The following HCFC1 variants were observed in gnomAD, a reference collection of about 807,000 sequenced individuals.
The protein encoded by HCFC1 is host cell factor C1, also known as host cell factor 1.
A neutral mutation model predicts 105.5 loss-of-function variants in HCFC1; 7 were observed. The ratio of observed to expected loss-of-function variants is 0.07; its 90% CI spans 0.04 to 0.12. The LOEUF (loss-of-function observed/expected upper bound fraction) is 0.12, where lower values mean the gene tolerates loss of function less well. HCFC1 is among the 10% of genes least tolerant of loss of function. HCFC1 has a pLI of 1.00. For missense variants in HCFC1, 1,065 were observed against 1,823.6 expected, an observed-to-expected ratio of 0.58 and a Z score of 7.58; for synonymous variants, 918 against 828.1, an observed-to-expected ratio of 1.11 and a Z score of -1.86.
At chrX:153,949,702 C>T in intron 24 of HCFC1, 86 bp from the exon 25 acceptor site, 7 of 874,617 alleles carry the variant, frequency 8.0e-6, no homozygotes, top group Non-Finnish European at 1.0e-5. Flanking sequence ...TGCAGAGTCT[C>T]TTGGTGCCAC....
intron 15 of HCFC1, 89 bp from the exon 16 acceptor site, chrX:153,956,500 T>G: frequency 1.8e-6 from 2 of 1,116,013 alleles, no homozygotes; most frequent in East Asian, 6.0e-5. Context: ...ACTCTGGAGC[T>G]GCTTGCATAG....
chrX:153,952,366 G>A, intron 19 of HCFC1, 148 bp downstream of exon 19: 1 of 892,356 alleles, frequency 1.1e-6, no homozygotes, highest in African/African-American at 2.0e-5. Context: ...CTACTACTTG[G>A]CCTGCCTGGG....
Position 153,964,645 on chromosome X carries a change from G to A in HCFC1, c.275C>T (p.Thr92Ile). 8.3e-7 allele frequency: 1 copy of A among 1,206,244 alleles called. No homozygotes were observed. ...CAAYGFVCDG[T>I]RLLVFGGMVE... ...CATCCCACCAAACACCAGGAGGCGA[G>A]TCCCGTCACACACGAAGCCATAGGC... Residue 92 changes from threonine (T) to isoleucine (I), a missense_variant, in exon 2 of 26, where the codon ACT becomes ATT. Around this residue, in one of 17 missense-constraint regions of HCFC1, gnomAD observed 38 missense variants for 190.1 expected, o/e 0.20. Coordinates refer to ENST00000310441, the MANE Select transcript of HCFC1 (RefSeq NM_005334.3).
chrX:153,949,521 CAGA>C (rs782623197), intron 25 of HCFC1, 29 bp downstream of exon 25: 1 of 1,198,719 alleles, frequency 8.3e-7, no homozygotes, highest in South Asian at 1.8e-5. Flanking sequence ...CCCCTAGTCT[CAGA>C]AGGTTCCCGA....
At chrX:153,959,139 C>A (rs1449036576) in intron 9 of HCFC1, among the ~76,000 whole-genome samples, 192 bp downstream of exon 9, 1 of 113,065 alleles carries the variant, frequency 8.8e-6, no homozygotes, top group Non-Finnish European at 1.9e-5. Context: ...GCAGGTTAGG[C>A]CTTCTAGGCA....
Position 153,960,076 on chromosome X carries a change from G to A in HCFC1, c.1170C>T (p.Ala390=), listed in dbSNP as rs2065414665. The change falls in exon 8 of 26, where the codon GCC becomes GCT. Residue 390 remains alanine, a synonymous_variant. Coordinates refer to ENST00000310441, the MANE Select transcript of HCFC1 (RefSeq NM_005334.3). ...LEVSWGAVAT[A]DSYLLQLQKY... ...TCTGGAGCTGGAGAAGGTAGCTGTC[G>A]GCTGTTGCCACTGCCCCCCAGCTCA... is the stretch of plus-strand genomic sequence containing the variant. 6 of 1,211,740 alleles carry A rather than the reference G, an allele frequency of 5.0e-6. No homozygotes were observed. Among genetic ancestry groups the A allele is most frequent in the South Asian group, 3.5e-5 (2 of 57,007 alleles).
chrX:153,969,743 AG>A (rs2065507709), intron 1 of HCFC1: 1 of 113,361 alleles, frequency 8.8e-6, no homozygotes, highest in African/African-American at 3.2e-5. Flanking sequence ...CTGAAGAGAG[AG>A]GTTCCTCCCC....
At position 153,963,651 on chromosome X, in the gene HCFC1, A is replaced by AGCAGCCCCGAGT. The variant is rs782125267; in HGVS notation, c.504-230_504-219dup. Among the ~76,000 whole-genome samples, 284 of 112,432 alleles carry AGCAGCCCCGAGT rather than the reference A, an allele frequency of 2.5e-3. 2 individuals carry two copies. Among genetic ancestry groups the AGCAGCCCCGAGT allele is most frequent in the African/African-American group, 8.2e-3 (254 of 30,980 alleles). On this transcript the variant is annotated intron_variant, in intron 3 of 25. Transcript: ENST00000310441. Reference sequence around the variant, plus strand: ...GGACACAGGGTGGGTGAGGCTGCACAGCAGCCCCGAGTCCAGACCCAGCAG... The same window carrying AGCAGCCCCGAGT: ...GGACACAGGGTGGGTGAGGCTGCACAGCAGCCCCGAGTGCAGCCCCGAGTCCAGACCCAGCAG...
chrX:153,963,844 G>A (rs2065451671), intron 3 of HCFC1, among the ~76,000 whole-genome samples: 1 of 112,487 alleles, frequency 8.9e-6, no homozygotes, highest in South Asian at 3.7e-4. Context: ...AACGCGAGCA[G>A]CTCTAAGCCG....
chrX:153,964,770 C>T, intron 1 of HCFC1, 44 bp from the exon 2 acceptor site: 1 of 1,107,509 alleles, frequency 9.0e-7, no homozygotes, highest in East Asian at 3.3e-5. Flanking sequence ...CCGGGAGCCC[C>T]CATTCCTCTC....
rs1177371719 is a variant in HCFC1 at position 153,971,576 on chromosome X, C to T, written c.-736G>A. ...CTGCTGCTCAGGCTGCGCCTGCCGC[C>T]GTGGGAGCCGCCATCTTGAGACTAG... On this transcript the variant is annotated 5_prime_UTR_variant, in exon 1 of 26. Coordinates refer to ENST00000310441, the MANE Select transcript of HCFC1 (RefSeq NM_005334.3). The T allele has an allele frequency of 6.8e-6, 2 of 293,405 alleles. No individual in the cohort carries two copies. The highest frequency in any genetic ancestry group is 4.8e-5 in the East Asian group (1 of 20,826). 24.2% of individuals were successfully genotyped at this position (293,405 alleles called of 1,213,427 possible).
At position 153,956,782 on chromosome X, in the gene HCFC1, G is replaced by A; in HGVS notation, c.2497-19C>T. 1 of 1,209,946 alleles carries A rather than the reference G, an allele frequency of 8.3e-7. No homozygotes were observed. Among genetic ancestry groups the A allele is most frequent in the Non-Finnish European group, 1.1e-6 (1 of 895,182 alleles). ...GCACCACCTGGAACACCAGAGGAAA[G>A]TGCCACCAACGTCACCACCAGGCTG... On this transcript the variant is annotated intron_variant, in intron 14 of 25. Transcript: ENST00000310441.
Position 153,954,160 on chromosome X carries a change from T to C in HCFC1, c.4239A>G (p.Thr1413=), listed in dbSNP as rs782480971. 2 of 1,097,311 alleles carry C rather than the reference T, an allele frequency of 1.8e-6. No homozygotes were observed. The highest frequency in any genetic ancestry group is 3.7e-5 in the South Asian group (2 of 54,207). 90.4% of individuals were successfully genotyped at this position (1,097,311 alleles called of 1,213,427 possible). The change falls in exon 17 of 26, where the codon ACA becomes ACG. Residue 1413 remains threonine, a synonymous_variant. Transcript: ENST00000310441. ...AGGGGGGGTTGGAGCACACCCTCTG[T>C]GTTGGGAAAGGAGCCAGCAGCGCGG... The part of the protein sequence containing the change: ...AGTALLAPFP[T]QRVCSNPPCE...
At chrX:153,953,912 G>A (rs1373433202) in intron 17 of HCFC1, 142 bp from the exon 18 acceptor site, 16 of 880,153 alleles carry the variant, frequency 1.8e-5, no homozygotes, top group Non-Finnish European at 2.4e-5. Context: ...TCTGCTTCAG[G>A]TACAGCCAGG....
intron 13 of HCFC1, 67 bp downstream of exon 13, chrX:153,957,247 T>A: frequency 2.9e-6 from 3 of 1,025,972 alleles, no homozygotes; most frequent in Non-Finnish European, 4.0e-6. Context: ...GCACGCCTTA[T>A]AACCCGGACT....
At position 153,958,747 on chromosome X, in the gene HCFC1, T is replaced by TGATCTGAGTCACAGGACCC; in HGVS notation, c.1624_1625insGGGTCCTGTGACTCAGATC (p.Gln542ArgfsTer4). The TGATCTGAGTCACAGGACCC allele has an allele frequency of 8.6e-7, 1 of 1,168,972 alleles. No homozygotes were observed. On this transcript the variant is annotated stop_gained and frameshift_variant, in exon 10 of 26. Transcript: ENST00000310441. LOFTEE classifies it high-confidence loss of function. ...GGCCAGTGCGGCCATCCCACTCATC[T>TGATCTGAGTCACAGGACCC]GTGGGCTACTGCCAATCACCTGCAG...
Position 153,971,190 on chromosome X carries a change from T to G in HCFC1, c.-350A>C. ...GCCGCCATCTTGAGCCGCCTCTCTC[T>G]CCTCCCTTCCTCAGTCGTAGCCCTC... On this transcript the variant is annotated 5_prime_UTR_variant, in exon 1 of 26. Coordinates refer to ENST00000310441, the MANE Select transcript of HCFC1 (RefSeq NM_005334.3). 3.1e-6 allele frequency: 1 copy of G among 323,281 alleles called. No homozygotes were observed. Among genetic ancestry groups the G allele is most frequent in the Non-Finnish European group, 5.3e-6 (1 of 188,917 alleles). The allele number at this position is 323,281 out of a possible 1,213,427, so 26.6% of individuals were successfully genotyped here. A position where few individuals can be genotyped will look rare whatever the true frequency, so the allele number is the denominator to read the frequency against.
At chrX:153,958,455 G>A (rs991419741) in intron 10 of HCFC1, 114 bp downstream of exon 10, 3 of 755,587 alleles carry the variant, frequency 4.0e-6, no homozygotes, top group Admixed American at 2.8e-5. Context: ...AGGCCATGAC[G>A]CCCCTAATGG....
At chrX:153,953,566 G>C (rs782800861) in intron 18 of HCFC1, 41 bp downstream of exon 18, 12 of 1,180,598 alleles carry the variant, frequency 1.0e-5, no homozygotes, top group African/African-American at 3.5e-5. Context: ...ACGGGCGTAG[G>C]CCGGGAAGGC....
Sources: gnomAD v4.1 joint callset for allele counts (sites outside exome capture counted in the v4.1 genomes callset) on GRCh38, gnomAD v4.1.1 for gene constraint, gnomAD v4.1.1 regional missense constraint, MANE v1.5 for transcripts, NCBI Gene and HGNC (gene_info 2026-07-23, HGNC 2026-07-21) for gene names.